The following TPTE2 variants were observed in gnomAD, a reference collection of about 807,000 sequenced individuals.
TPTE2 encodes the protein transmembrane phosphoinositide 3-phosphatase and tensin homolog 2.
Under a neutral mutation model 78.6 loss-of-function variants are expected in TPTE2, and 53 were observed. The observed-to-expected ratio is 0.67, with a 90% confidence interval of 0.54 to 0.85. TPTE2 has a LOEUF of 0.85. Among genes scored for constraint, TPTE2 ranks in the 40% least tolerant of loss-of-function variants. The probability of loss-of-function intolerance (pLI) is 0.00; values close to 1 mark genes in which losing one functional copy is unlikely to be tolerated. For synonymous variants in TPTE2, 175 were observed against 206.2 expected (o/e 0.85, Z 1.30); for missense variants, 461 against 623.0 (o/e 0.74, Z 2.77).
At chr13:19,476,853 A>G (rs1489372344) in intron 4 of TPTE2, among the ~76,000 whole-genome samples, 1 of 152,228 alleles carries the variant, frequency 6.6e-6, no homozygotes, top group African/African-American at 2.4e-5. Context: ...GAGCAATCCC[A>G]TTACTGAGTA....
At chr13:19,497,743 C>T (rs1881472933) in intron 1 of TPTE2, among the ~76,000 whole-genome samples, 1 of 151,524 alleles carries the variant, frequency 6.6e-6, no homozygotes. Flanking sequence ...AGCAGAGCGC[C>T]TCTCCTCCTC....
intron 10 of TPTE2, among the ~76,000 whole-genome samples, chr13:19,459,536 G>T (rs1346280811): frequency 6.6e-6 from 1 of 152,132 alleles, no homozygotes; most frequent in East Asian, 1.9e-4. Context: ...GCATTGTGGG[G>T]GATCCTTCCT....
intron 9 of TPTE2, 82 bp from the exon 13 acceptor site, chr13:19,464,602 A>T: frequency 6.8e-7 from 1 of 1,463,974 alleles, no homozygotes; most frequent in South Asian, 1.3e-5. Flanking sequence ...ACATGATCAG[A>T]CTCCATTTTC....
At chr13:19,465,589 T>C (rs1879222104) in intron 7 of TPTE2, 25 bp from the exon 11 acceptor site, 2 of 1,554,612 alleles carry the variant, frequency 1.3e-6, no homozygotes, top group Non-Finnish European at 1.7e-6. Flanking sequence ...AAAAGATCCA[T>C]TTTTGCTTCA....
chr13:19,561,211 G>C, the TPTE2 span: 1 of 1,457,292 alleles, frequency 6.9e-7, no homozygotes, highest in Non-Finnish European at 9.4e-7. Flanking sequence ...GGCCTGGCCG[G>C]CTCTGCCATG....
chr13:19,422,971 A>G, exon 20 of TPTE2: 1 of 1,513,022 alleles, frequency 6.6e-7, no homozygotes. Context: ...ACACATGAAC[A>G]TGTGGCAGGG....
At chr13:19,478,083 A>C (rs1282151645) in intron 4 of TPTE2, among the ~76,000 whole-genome samples, 1 of 152,212 alleles carries the variant, frequency 6.6e-6, no homozygotes, top group Non-Finnish European at 1.5e-5. Context: ...GGTAAGTCTA[A>C]ATAATAATTG....
At chr13:19,442,498 C>T (rs993672849) in intron 13 of TPTE2, among the ~76,000 whole-genome samples, 1 of 151,860 alleles carries the variant, frequency 6.6e-6, no homozygotes, top group African/African-American at 2.4e-5. Context: ...TAAGAATTAT[C>T]CATGTCAAGA....
At chr13:19,503,596 G>C (rs1247550220), upstream of TPTE2, among the ~76,000 whole-genome samples, 1 of 152,088 alleles carries the variant, frequency 6.6e-6, no homozygotes, top group Admixed American at 6.5e-5. Context: ...GAGGTAGTCA[G>C]CCCTCTTATT....
intron 10 of TPTE2, among the ~76,000 whole-genome samples, chr13:19,463,625 G>A (rs1879077277): frequency 6.6e-6 from 1 of 152,070 alleles, no homozygotes; most frequent in Non-Finnish European, 1.5e-5. Context: ...CAATGTTAGA[G>A]AGCTTTCATA....
chr13:19,471,091 G>A (rs1452807679), intron 6 of TPTE2, among the ~76,000 whole-genome samples: 1 of 151,758 alleles, frequency 6.6e-6, no homozygotes, highest in Non-Finnish European at 1.5e-5. Context: ...TGTATTTTTA[G>A]TAGAGACAGG....
At chr13:19,503,108 T>TATGG in intron 1 of TPTE2, 116 bp downstream of exon 4, 2 of 1,441,468 alleles carry the variant, frequency 1.4e-6, no homozygotes, top group East Asian at 4.8e-5. Flanking sequence ...GAGAAGTGTG[T>TATGG]ATGGATGGAT....
chr13:19,482,320 A>C (rs1169828906), intron 4 of TPTE2, among the ~76,000 whole-genome samples, 168 bp downstream of exon 7: 1 of 152,148 alleles, frequency 6.6e-6, no homozygotes, highest in African/African-American at 2.4e-5. Context: ...TCAAAATAAT[A>C]CTTGTCTAAG....
At chr13:19,533,875 G>A (rs1017773431) in intron 1 of TPTE2, among the ~76,000 whole-genome samples, 16 of 152,332 alleles carry the variant, frequency 1.1e-4, no homozygotes, top group African/African-American at 3.6e-4. Flanking sequence ...TTGCTTCCTT[G>A]CCCTCTGAAC....
intron 17 of TPTE2, among the ~76,000 whole-genome samples, chr13:19,429,718 A>C (rs1876410481): frequency 6.6e-6 from 1 of 152,196 alleles, no homozygotes; most frequent in Non-Finnish European, 1.5e-5. Context: ...GGCAGGGAAC[A>C]GGGTTAGTAA....
At chr13:19,533,189 G>C (rs17082938) in intron 1 of TPTE2, among the ~76,000 whole-genome samples, 2 of 152,258 alleles carry the variant, frequency 1.3e-5, no homozygotes, top group African/African-American at 4.8e-5. Context: ...GCATACAACA[G>C]AGAAAACTCA....
At chr13:19,507,079 GAACATA>G (rs1869107030), upstream of TPTE2, among the ~76,000 whole-genome samples, 1 of 152,014 alleles carries the variant, frequency 6.6e-6, no homozygotes, top group Non-Finnish European at 1.5e-5. Flanking sequence ...GTATCTTTAT[GAACATA>G]CACACACACA....
intron 10 of TPTE2, among the ~76,000 whole-genome samples, chr13:19,461,852 T>G (rs1407726437): frequency 5.3e-5 from 8 of 152,136 alleles, no homozygotes; most frequent in African/African-American, 1.9e-4. Flanking sequence ...GCCTGGAATA[T>G]TTTCTTCTAT....
At chr13:19,546,022 C>T in the TPTE2 span, among the ~76,000 whole-genome samples, 9 of 152,046 alleles carry the variant, frequency 5.9e-5, no homozygotes, top group Admixed American at 1.3e-4. Flanking sequence ...AGTGAGACCC[C>T]GTCTCTACAG....
Sources: allele counts gnomAD v4.1 joint callset (sites outside exome capture counted in the v4.1 genomes callset), GRCh38; gene constraint gnomAD v4.1.1; transcripts MANE v1.5; gene names NCBI Gene and HGNC (gene_info 2026-07-23, HGNC 2026-07-21).